SULT4A1: variants seen among roughly 807,000 people sequenced by gnomAD.
SULT4A1 encodes sulfotransferase 4A1.
A neutral mutation model predicts 35.2 loss-of-function variants in SULT4A1; 11 were observed. The ratio of observed to expected loss-of-function variants is 0.31; its 90% CI spans 0.20 to 0.52. The LOEUF (loss-of-function observed/expected upper bound fraction) is 0.52, where lower values mean the gene tolerates loss of function less well. Among genes scored for constraint, SULT4A1 ranks in the 20% least tolerant of loss-of-function variants. SULT4A1 has a pLI of 0.97. For synonymous variants in SULT4A1, 152 were observed against 151.8 expected, an observed-to-expected ratio of 1.00 and a Z score of -0.01; for missense variants, 271 against 383.7, an observed-to-expected ratio of 0.71 and a Z score of 2.45.
At chr22:43,846,498 A>C (rs752804305) in intron 1 of SULT4A1, among the ~76,000 whole-genome samples, 1 of 152,226 alleles carries the variant, frequency 6.6e-6, no homozygotes, top group Non-Finnish European at 1.5e-5. Context: ...CTGCATAGAC[A>C]CTGAGTAATC....
chr22:43,829,590 C>G (rs1258269834), intron 5 of SULT4A1, among the ~76,000 whole-genome samples: 1 of 152,234 alleles, frequency 6.6e-6, no homozygotes, highest in Non-Finnish European at 1.5e-5. Flanking sequence ...TGGGCTGGCC[C>G]TTGGGAGCGC....
chr22:43,850,427 TG>T (rs1353514881), intron 1 of SULT4A1, among the ~76,000 whole-genome samples: 1 of 152,258 alleles, frequency 6.6e-6, no homozygotes, highest in Non-Finnish European at 1.5e-5. Context: ...TTTCCTCTTC[TG>T]TATTCTATTT....
chr22:43,831,113 G>A (rs761775543), intron 5 of SULT4A1, among the ~76,000 whole-genome samples: 5 of 152,186 alleles, frequency 3.3e-5, no homozygotes, highest in Non-Finnish European at 5.9e-5. Flanking sequence ...AGGGCTGGTG[G>A]CCTTGACCCT....
chr22:43,840,037 CAGAG>C lies in SULT4A1; in HGVS notation c.301-16_301-13del, dbSNP rs1238733061. The C allele has an allele frequency of 7.5e-6, 12 of 1,590,228 alleles. No individual in the cohort carries two copies. The highest frequency in any genetic ancestry group is 1.0e-5 in the Non-Finnish European group (12 of 1,170,192). On this transcript the variant is annotated splice_polypyrimidine_tract_variant and intron_variant, in intron 2 of 6. Coordinates refer to ENST00000330884, the MANE Select transcript of SULT4A1 (RefSeq NM_014351.4). Reference sequence around the variant, plus strand: ...GGAGAGGTCAGTTCCTGCGTGGAGTCAGAGGGAGAGGCAGGTCAGAGGAAAGGGT... The same window carrying C: ...GGAGAGGTCAGTTCCTGCGTGGAGTCGGAGAGGCAGGTCAGAGGAAAGGGT...
chr22:43,842,508 T>C (rs2063441627), intron 1 of SULT4A1, among the ~76,000 whole-genome samples: 1 of 152,238 alleles, frequency 6.6e-6, no homozygotes, highest in Non-Finnish European at 1.5e-5. Flanking sequence ...ATGAGTAAGT[T>C]GTGACAGTCA....
At chr22:43,835,114 A>T (rs1330339981) in intron 4 of SULT4A1, among the ~76,000 whole-genome samples, 3 of 103,458 alleles carry the variant, frequency 2.9e-5, no homozygotes, top group East Asian at 3.1e-4. Context: ...AGCTTCCCGC[A>T]GCCACACCGC....
intron 6 of SULT4A1, chr22:43,827,408 G>A: frequency 1.7e-6 from 2 of 1,177,726 alleles, no homozygotes; most frequent in Non-Finnish European, 1.1e-6. Context: ...ACCCTTTAAT[G>A]ATACCTAAGG....
rs1230634323 is a variant in SULT4A1 at position 43,828,994 on chromosome 22, C to G, written c.742+66G>C. ...CAGGGACCGGACTCGGCTCCCTAAGCAGGCAGAGAAAGCAGCCTGGCTGGG... is the reference window on the plus strand; with the variant it reads ...CAGGGACCGGACTCGGCTCCCTAAGGAGGCAGAGAAAGCAGCCTGGCTGGG... On this transcript the variant is annotated intron_variant, in intron 6 of 6. Transcript: ENST00000330884. 5 of 1,459,240 alleles carry G rather than the reference C, an allele frequency of 3.4e-6. No individual in the cohort carries two copies. The Admixed American group carries it at 1.2e-4, about 36-fold the overall frequency. The allele number at this position is 1,459,240 out of a possible 1,614,324, so 90.4% of individuals were successfully genotyped here.
chr22:43,840,137 A>C, intron 2 of SULT4A1, 112 bp from the exon 3 acceptor site: 1 of 767,458 alleles, frequency 1.3e-6, no homozygotes, highest in Non-Finnish European at 2.1e-6. Flanking sequence ...GGTTCAGGGG[A>C]AGTGGAGTTA....
chr22:43,862,124 G>T, intron 1 of SULT4A1, 90 bp downstream of exon 1: 1 of 991,854 alleles, frequency 1.0e-6, no homozygotes, highest in Non-Finnish European at 1.2e-6. Flanking sequence ...ACCCGGCCCA[G>T]CAGAAGCCCC....
intron 1 of SULT4A1, among the ~76,000 whole-genome samples, chr22:43,859,725 G>C (rs1487932464): frequency 1.3e-5 from 2 of 152,252 alleles, no homozygotes; most frequent in Non-Finnish European, 2.9e-5. Context: ...CTGGCGCTGT[G>C]CAGCAGAACT....
At chr22:43,830,992 C>G (rs1346409344) in intron 5 of SULT4A1, among the ~76,000 whole-genome samples, 4 of 152,190 alleles carry the variant, frequency 2.6e-5, no homozygotes, top group Non-Finnish European at 5.9e-5. Context: ...AAACCCATGC[C>G]AATTAGAAGG....
Position 43,862,307 on chromosome 22 carries a change from G to A in SULT4A1, c.76C>T (p.Arg26Trp). ...ESKYFEFHGV[R>W]LPPFCRGKME... ...TTCCCGCGGCAGAAGGGCGGCAGCC[G>A]CACGCCATGGAACTCGAAGTACTTG... The change falls in exon 1 of 7, where the codon CGG becomes TGG. Residue 26 changes from arginine (R) to tryptophan (W), a missense_variant. Physicochemically the swap from Arg to Trp is moderately radical, Grantham distance 101. Around this residue, in one of 3 missense-constraint regions of SULT4A1, gnomAD observed 164 missense variants for 254.1 expected, o/e 0.65. Coordinates refer to ENST00000330884, the MANE Select transcript of SULT4A1 (RefSeq NM_014351.4). The A allele has an allele frequency of 1.3e-6, 2 of 1,566,562 alleles. No homozygotes were observed. Among genetic ancestry groups the A allele is most frequent in the East Asian group, 2.5e-5 (1 of 39,842 alleles).
Position 43,826,052 on chromosome 22 carries a change from C to T in SULT4A1, c.804G>A (p.Val268=), listed in dbSNP as rs1447940448. Residue 268 remains valine (V), a synonymous_variant, in exon 7 of 7, where the codon GTG becomes GTA. Coordinates refer to ENST00000330884, the MANE Select transcript of SULT4A1 (RefSeq NM_014351.4). ...TVSMNEKFDL[V]YKQKMGKCDL... The stretch of plus-strand genomic sequence containing the variant: ...CACACTTTCCCATCTTCTGTTTATA[C>T]ACCAAGTCAAACTTCTCATTCATGG... 2.5e-6 allele frequency: 4 copies of T among 1,614,192 alleles called. No homozygotes were observed. Among genetic ancestry groups the T allele is most frequent in the South Asian group, 1.1e-5 (1 of 91,074 alleles).
At chr22:43,843,542 G>A (rs189555960) in intron 1 of SULT4A1, among the ~76,000 whole-genome samples, 1 of 152,372 alleles carries the variant, frequency 6.6e-6, no homozygotes, top group Admixed American at 6.5e-5. Context: ...TCCCCACTCC[G>A]ACTGACAGTG....
intron 4 of SULT4A1, among the ~76,000 whole-genome samples, chr22:43,836,732 T>G (rs1351887580): frequency 1.3e-5 from 2 of 149,070 alleles, no homozygotes; most frequent in African/African-American, 2.5e-5. Context: ...CACAGCATCC[T>G]CACACTGCAG....
intron 5 of SULT4A1, among the ~76,000 whole-genome samples, chr22:43,830,305 G>C (rs1192022944): frequency 6.6e-6 from 1 of 152,194 alleles, no homozygotes; most frequent in Non-Finnish European, 1.5e-5. Context: ...AAGAGATGCC[G>C]CAAGAAGGAC....
intron 1 of SULT4A1, among the ~76,000 whole-genome samples, chr22:43,857,449 G>A (rs1486671079): frequency 6.6e-6 from 1 of 151,418 alleles, no homozygotes; most frequent in African/African-American, 2.4e-5. Flanking sequence ...AGAGCTGGAG[G>A]ACAACATCAA....
chr22:43,829,903 A>G (rs1211387956), intron 5 of SULT4A1, among the ~76,000 whole-genome samples: 1 of 152,264 alleles, frequency 6.6e-6, no homozygotes, highest in African/African-American at 2.4e-5. Flanking sequence ...AGGTTTGTAA[A>G]GCAAATTCCC....
Sources: gnomAD v4.1 joint callset for allele counts (sites outside exome capture counted in the v4.1 genomes callset) on GRCh38, gnomAD v4.1.1 for gene constraint, gnomAD v4.1.1 regional missense constraint, MANE v1.5 for transcripts, NCBI Gene and HGNC (gene_info 2026-07-23, HGNC 2026-07-21) for gene names.